Variants in ZNF407 observed in about 807,000 individuals in gnomAD.
ZNF407 encodes zinc finger protein 407.
A neutral mutation model predicts 131.2 loss-of-function variants in ZNF407; 17 were observed. The observed-to-expected ratio is 0.13, with a 90% CI of 0.09 to 0.19. The LOEUF is 0.19. Among genes scored for constraint, ZNF407 ranks in the 10% least tolerant of loss-of-function variants. The pLI is 1.00. For synonymous variants in ZNF407, 1,156 were observed against 1,062.0 expected (o/e 1.09, Z -1.72); for missense variants, 2,681 against 2,830.6 (o/e 0.95, Z 1.20).
chr18:74,674,327 A>G (rs1986269549), intron 3 of ZNF407, among the ~76,000 whole-genome samples: 1 of 152,196 alleles, frequency 6.6e-6, no homozygotes, highest in Non-Finnish European at 1.5e-5. Flanking sequence ...GGGAGTGCTG[A>G]CATCATGAAA....
intron 8 of ZNF407, among the ~76,000 whole-genome samples, chr18:74,987,775 A>G (rs760370713): frequency 2.0e-5 from 3 of 152,214 alleles, no homozygotes; most frequent in African/African-American, 4.8e-5. Flanking sequence ...TGTACAATAA[A>G]AACTACAAAA....
Position 74,634,485 on chromosome 18 carries a change from T to G in ZNF407, c.3466T>G (p.Ser1156Ala). The G allele has an allele frequency of 6.2e-7, 1 of 1,613,822 alleles. No homozygotes were observed. Among genetic ancestry groups the G allele is most frequent in the East Asian group, 2.2e-5 (1 of 44,888 alleles). ...TGTAGAAGTTGAGACTGAAGAAGAA[T>G]CTAATTTCAATGAAGACCATTCCTT... ...DSVEVETEEE[S>A]NFNEDHSFCE... The change falls in exon 2 of 9, where the codon TCT (serine) becomes GCT (alanine). Residue 1156 changes from serine (S) to alanine (A), a missense_variant. Around this residue, in one of 6 missense-constraint regions of ZNF407, gnomAD observed 1,789 missense variants for 1,748.7 expected, o/e 1.02. Coordinates refer to ENST00000299687, the MANE Select transcript of ZNF407 (RefSeq NM_017757.3).
chr18:75,063,659 G>A lies in ZNF407; in HGVS notation c.5938G>A (p.Val1980Ile). The change falls in exon 9 of 9, where the codon GTC becomes ATC. Residue 1980 changes from valine (V) to isoleucine (I), a missense_variant. Around this residue, in one of 6 missense-constraint regions of ZNF407, gnomAD observed 620 missense variants for 583.1 expected, o/e 1.06. Transcript: ENST00000299687. This position sits in a 1 kb window ranked among gnomAD's most constrained non-coding sequence, Gnocchi z 6.6. Reference sequence around the variant, plus strand: ...GATTTTAAACCTCTCGGAGGCTGGAGTCGCTCCCCCCGAGGCATCCTCAGC... The same window carrying A: ...GATTTTAAACCTCTCGGAGGCTGGAATCGCTCCCCCCGAGGCATCCTCAGC... ...QEILNLSEAG[V>I]APPEASSALD... 6.2e-7 allele frequency: 1 copy of A among 1,606,618 alleles called. No individual in the cohort carries two copies. Among genetic ancestry groups the A allele is most frequent in the Admixed American group, 1.7e-5 (1 of 59,066 alleles).
At chr18:74,687,427 AG>A (rs1249645197) in intron 3 of ZNF407, among the ~76,000 whole-genome samples, 1 of 152,174 alleles carries the variant, frequency 6.6e-6, no homozygotes, top group African/African-American at 2.4e-5. Context: ...GTGTAGCATG[AG>A]GAAGGAGCTG....
At chr18:74,942,174 T>C (rs761966586) in intron 8 of ZNF407, among the ~76,000 whole-genome samples, 1 of 152,226 alleles carries the variant, frequency 6.6e-6, no homozygotes, top group Non-Finnish European at 1.5e-5. Context: ...GTGATTCTTA[T>C]GTCCACCAGA....
intron 3 of ZNF407, among the ~76,000 whole-genome samples, chr18:74,652,515 C>G (rs1340805891): frequency 6.6e-6 from 1 of 151,600 alleles, no homozygotes; most frequent in African/African-American, 2.4e-5. Context: ...TTATATTTTC[C>G]CCCCATGCTG....
Position 74,774,723 on chromosome 18 carries a change from G to A in ZNF407, c.4803-6705G>A, listed in dbSNP as rs532410899. ...TGAAAGGAGATGAAGGAGACGTGAC[G>A]AAACACAGTGAGTGTGTCTTATAGA... On this transcript the variant is annotated intron_variant, in intron 3 of 8. Transcript: ENST00000299687. Among the ~76,000 whole-genome samples the A allele has an allele frequency of 1.0e-3, 153 of 152,254 alleles. 3 individuals carry two copies. In the South Asian group the frequency reaches 0.014, roughly 14 times the overall value.
intron 1 of ZNF407, among the ~76,000 whole-genome samples, chr18:74,616,298 CA>C (rs1983286389): frequency 6.6e-6 from 1 of 152,176 alleles, no homozygotes; most frequent in African/African-American, 2.4e-5. Context: ...AGTACAGAGA[CA>C]TAGCTGTACT....
chr18:74,700,524 C>T (rs764203734), intron 3 of ZNF407, among the ~76,000 whole-genome samples: 2 of 152,152 alleles, frequency 1.3e-5, no homozygotes, highest in African/African-American at 4.8e-5. Context: ...ATTTCATTTC[C>T]TCTAGTCTTC....
intron 4 of ZNF407, among the ~76,000 whole-genome samples, chr18:74,790,396 A>G (rs1012611718): frequency 2.6e-5 from 4 of 152,180 alleles, no homozygotes; most frequent in Non-Finnish European, 5.9e-5. Flanking sequence ...CTGCTGTGAC[A>G]AATTAATTTT....
intron 8 of ZNF407, among the ~76,000 whole-genome samples, chr18:74,962,372 C>A (rs910323019): frequency 3.9e-5 from 6 of 152,246 alleles, no homozygotes; most frequent in Non-Finnish European, 7.3e-5. Flanking sequence ...TTGGCATACT[C>A]TCTCATCTTA....
chr18:75,006,710 A>G (rs1568298791), intron 8 of ZNF407, among the ~76,000 whole-genome samples: 1 of 152,186 alleles, frequency 6.6e-6, no homozygotes, highest in Non-Finnish European at 1.5e-5. Flanking sequence ...CTGGGCTTCC[A>G]TAGATTAAGC....
chr18:75,063,087 G>A lies in ZNF407; in HGVS notation c.5429-63G>A, dbSNP rs1158649539. Reference sequence around the variant, plus strand: ...AGGCCTGAGCGCTTCTGCAGAAGAAGTGTCTTACTTGTAAGCCTACGAGTA... The same window carrying A: ...AGGCCTGAGCGCTTCTGCAGAAGAAATGTCTTACTTGTAAGCCTACGAGTA... On this transcript the variant is annotated intron_variant, in intron 8 of 8. Coordinates refer to ENST00000299687, the MANE Select transcript of ZNF407 (RefSeq NM_017757.3). The surrounding 1 kb of genome is among the most constrained non-coding windows in gnomAD (Gnocchi z 6.6). The A allele has an allele frequency of 6.9e-7, 1 of 1,441,668 alleles. No homozygotes were observed. Among genetic ancestry groups the A allele is most frequent in the Admixed American group, 2.2e-5 (1 of 44,592 alleles). 89.3% of individuals were successfully genotyped at this position (1,441,668 alleles called of 1,614,324 possible).
intron 8 of ZNF407, among the ~76,000 whole-genome samples, chr18:74,958,281 A>T (rs772780994): frequency 5.3e-5 from 8 of 152,208 alleles, no homozygotes; most frequent in African/African-American, 2.4e-5. Flanking sequence ...TGGGTTAGGG[A>T]TGTCAGAAAA....
intron 4 of ZNF407, among the ~76,000 whole-genome samples, chr18:74,783,228 A>G (rs1969641745): frequency 6.6e-6 from 1 of 152,192 alleles, no homozygotes; most frequent in Admixed American, 6.5e-5. Context: ...TTTATTCAAT[A>G]TCTCATAAAT....
rs1968234670 is a variant in ZNF407, at chr18:74,729,283, T to C, written c.4803-52145T>C. On this transcript the variant is annotated intron_variant, in intron 3 of 8. Coordinates refer to ENST00000299687, the MANE Select transcript of ZNF407 (RefSeq NM_017757.3). ...TCTACTTTGTCCTTGGGGGAAGTGC[T>C]AGCTTTCAGCAAAGGAGGAGAATTG... 2.0e-5 allele frequency among the ~76,000 whole-genome samples: 3 copies of C among 152,346 alleles called. No individual in the cohort carries two copies. In the South Asian group the frequency reaches 6.2e-4, roughly 32 times the overall value.
At chr18:74,737,966 T>C (rs562743710) in intron 3 of ZNF407, among the ~76,000 whole-genome samples, 1 of 152,310 alleles carries the variant, frequency 6.6e-6, no homozygotes, top group South Asian at 2.1e-4. Context: ...TATTTTAAAA[T>C]CTCTTAATGT....
rs1368750340 is a variant in ZNF407 at position 74,708,031 on chromosome 18, T to G, written c.4802+66909T>G. Among the ~76,000 whole-genome samples the G allele has an allele frequency of 3.9e-5, 6 of 152,216 alleles. No individual in the cohort carries two copies. In the East Asian group the frequency reaches 1.2e-3, roughly 29 times the overall value. Reference sequence around the variant, plus strand: ...GCAGAAATCTCTGTTCTTCCTAAGTTTGAACAATTTTCTTGTTGGTAAATT... The same window carrying G: ...GCAGAAATCTCTGTTCTTCCTAAGTGTGAACAATTTTCTTGTTGGTAAATT... On this transcript the variant is annotated intron_variant, in intron 3 of 8. Transcript: ENST00000299687.
intron 8 of ZNF407, among the ~76,000 whole-genome samples, chr18:75,000,144 C>T (rs1398127082): frequency 4.6e-5 from 7 of 152,084 alleles, no homozygotes; most frequent in Admixed American, 1.3e-4. Context: ...CACAGGAAAC[C>T]GATATGGCAG....
Sources: gnomAD v4.1 joint callset for allele counts (sites outside exome capture counted in the v4.1 genomes callset) on GRCh38, gnomAD v4.1.1 for gene constraint, gnomAD v4.1.1 regional missense constraint, Gnocchi (gnomAD v3.1) non-coding constraint, MANE v1.5 for transcripts, NCBI Gene and HGNC (gene_info 2026-07-23, HGNC 2026-07-21) for gene names.